DNAJC10: variants seen among roughly 807,000 people sequenced by gnomAD.
DNAJC10 encodes the protein DnaJ heat shock protein family (Hsp40) member C10.
DNAJC10 carries 101 observed loss-of-function variants against 115.0 expected under a neutral mutation model. That is an observed-to-expected ratio of 0.88 (90% CI 0.75 to 1.04). The LOEUF is 1.04. Among genes scored for constraint, DNAJC10 ranks in the 50% least tolerant of loss-of-function variants. The pLI is 0.00. For synonymous variants in DNAJC10, 307 were observed against 301.5 expected (o/e 1.02, Z -0.19); for missense variants, 981 against 928.8 (o/e 1.06, Z -0.73).
At chr2:182,719,827 G>C (rs1553486337) in intron 3 of DNAJC10, among the ~76,000 whole-genome samples, 180 bp from the exon 4 acceptor site, 1 of 81,356 alleles carries the variant, frequency 1.2e-5, no homozygotes, top group African/African-American at 4.8e-5. Context: ...GAAGATTATA[G>C]TTTCTTAAAA....
At chr2:182,730,065 T>G (rs1207891516) in intron 8 of DNAJC10, 124 bp downstream of exon 8, 1 of 603,834 alleles carries the variant, frequency 1.7e-6, no homozygotes, top group African/African-American at 1.9e-5. Flanking sequence ...TCCATGTTTC[T>G]TAGAAGGGAA....
At chr2:182,776,942 ATTC>A (rs1484545160) in intron 23 of DNAJC10, among the ~76,000 whole-genome samples, 176 bp from the exon 24 acceptor site, 5 of 152,180 alleles carry the variant, frequency 3.3e-5, no homozygotes, top group African/African-American at 1.2e-4. Context: ...GAACTAGGAT[ATTC>A]TTTTCTTTTT....
At chr2:182,748,482 T>C (rs1318728586) in intron 14 of DNAJC10, among the ~76,000 whole-genome samples, 7 of 152,246 alleles carry the variant, frequency 4.6e-5, no homozygotes, top group Non-Finnish European at 8.8e-5. Context: ...TCGAGGAACT[T>C]ATCCATTTCT....
chr2:182,787,280 G>A lies in DNAJC10; in HGVS notation c.*10148G>A, dbSNP rs1694964874. 6.6e-6 allele frequency: 1 copy of A among 152,212 alleles called. No individual in the cohort carries two copies. The highest frequency in any genetic ancestry group is 2.1e-4 in the South Asian group (1 of 4,832). The allele number at this position is 152,212 out of a possible 1,614,324, so 9.4% of individuals were successfully genotyped here. A position where few individuals can be genotyped will look rare whatever the true frequency, so the allele number is the denominator to read the frequency against. ...ATACTGATTCAGACTCCAGCAAGGT[G>A]CACATCACCCGCTAGTCATTGTGGC... On this transcript the variant is annotated 3_prime_UTR_variant, in exon 24 of 24. Coordinates refer to ENST00000264065, the MANE Select transcript of DNAJC10 (RefSeq NM_018981.4).
chr2:182,753,527 C>G (rs1239387104), intron 16 of DNAJC10, among the ~76,000 whole-genome samples: 5 of 142,388 alleles, frequency 3.5e-5, no homozygotes, highest in African/African-American at 7.8e-5. Context: ...ACCAAAGATA[C>G]AAAATTGATG....
intron 14 of DNAJC10, among the ~76,000 whole-genome samples, chr2:182,748,008 T>C (rs1292297037): frequency 9.5e-4 from 141 of 148,224 alleles, no homozygotes; most frequent in African/African-American, 3.3e-3. Context: ...TTGTCTTTGG[T>C]TCTGTTTATA....
chr2:182,774,311 T>A (rs1694646394), intron 22 of DNAJC10, among the ~76,000 whole-genome samples: 1 of 152,194 alleles, frequency 6.6e-6, no homozygotes, highest in Non-Finnish European at 1.5e-5. Flanking sequence ...GATCAGGGAC[T>A]CACTTGAAGA....
intron 3 of DNAJC10, among the ~76,000 whole-genome samples, chr2:182,719,250 CTTTTTTT>C (rs57284693): frequency 1.2e-5 from 1 of 83,686 alleles, no homozygotes; most frequent in Non-Finnish European, 2.3e-5. Context: ...GGATTGTTTT[CTTTTTTT>C]TTTTTTTTTT....
chr2:182,769,576 G>A (rs1294602763), intron 22 of DNAJC10, among the ~76,000 whole-genome samples: 1 of 152,184 alleles, frequency 6.6e-6, no homozygotes, highest in Non-Finnish European at 1.5e-5. Context: ...TTGATGACCA[G>A]TGATGATGAG....
chr2:182,774,307 G>A (rs924831465), intron 22 of DNAJC10, among the ~76,000 whole-genome samples: 2 of 152,184 alleles, frequency 1.3e-5, no homozygotes, highest in Non-Finnish European at 2.9e-5. Flanking sequence ...TGGGGATCAG[G>A]GACTCACTTG....
At chr2:182,737,690 TAGTC>T (rs1693618448) in intron 11 of DNAJC10, among the ~76,000 whole-genome samples, 1 of 152,188 alleles carries the variant, frequency 6.6e-6, no homozygotes, top group Non-Finnish European at 1.5e-5. Flanking sequence ...CTTAGGATAT[TAGTC>T]AGTGTCTCAA....
chr2:182,722,542 T>G lies in DNAJC10; in HGVS notation c.418+467T>G, dbSNP rs901407503. On this transcript the variant is annotated intron_variant, in intron 5 of 23. Transcript: ENST00000264065. Reference sequence around the variant, plus strand: ...TAGATTCTTATACTTTCATCCTTTGTACAGTAATAATAGGTTTATTTTTTC... The same window carrying G: ...TAGATTCTTATACTTTCATCCTTTGGACAGTAATAATAGGTTTATTTTTTC... 6.7e-5 allele frequency among the ~76,000 whole-genome samples: 6 copies of G among 89,972 alleles called. No individual in the cohort carries two copies. The East Asian group carries it at 1.5e-3, about 23-fold the overall frequency. 59.0% of individuals were successfully genotyped at this position (89,972 alleles called of 152,430 possible).
chr2:182,739,391 G>A (rs1014970332), intron 11 of DNAJC10, among the ~76,000 whole-genome samples: 2 of 151,246 alleles, frequency 1.3e-5, no homozygotes, highest in African/African-American at 2.4e-5. Context: ...ATGATTGTTC[G>A]TACAAGTTTT....
In DNAJC10 at chr2:182,718,348, T is replaced by G. The variant is rs1693054510; in HGVS notation, c.204+58T>G. 8.9e-6 allele frequency: 12 copies of G among 1,341,280 alleles called. No homozygotes were observed. The Admixed American group carries it at 2.7e-4, about 30-fold the overall frequency. The allele number at this position is 1,341,280 out of a possible 1,614,324, so 83.1% of individuals were successfully genotyped here. A position where few individuals can be genotyped will look rare whatever the true frequency, so the allele number is the denominator to read the frequency against. ...TTATATTTTTGGTACATTTTGATAT[T>G]TATTTAAATTGCTTTAAATGATCAA... On this transcript the variant is annotated intron_variant, in intron 3 of 23. Coordinates refer to ENST00000264065, the MANE Select transcript of DNAJC10 (RefSeq NM_018981.4).
chr2:182,758,526 C>T lies in DNAJC10; in HGVS notation c.1944-311C>T, dbSNP rs539118869. Among the ~76,000 whole-genome samples, 14 of 152,268 alleles carry T rather than the reference C, an allele frequency of 9.2e-5. No homozygotes were observed. In the South Asian group the frequency reaches 2.9e-3, roughly 32 times the overall value. On this transcript the variant is annotated intron_variant, in intron 19 of 23. Coordinates refer to ENST00000264065, the MANE Select transcript of DNAJC10 (RefSeq NM_018981.4). ...GTAGGAATTTGACAGACAGTAATAA[C>T]TTGAATAAAGATTCAGAAACTAAAA...
chr2:182,731,244 T>C, intron 9 of DNAJC10, 137 bp downstream of exon 9: 1 of 582,648 alleles, frequency 1.7e-6, no homozygotes, highest in Non-Finnish European at 3.0e-6. Context: ...TTTTTTTACT[T>C]AATGAATATT....
Position 182,777,655 on chromosome 2 carries a change from C to A in DNAJC10, c.*523C>A, listed in dbSNP as rs1421683437. The A allele has an allele frequency of 1.3e-5, 2 of 152,120 alleles. No individual in the cohort carries two copies. The highest frequency in any genetic ancestry group is 6.6e-5 in the Admixed American group (1 of 15,254). 9.4% of individuals were successfully genotyped at this position (152,120 alleles called of 1,614,324 possible). A position where few individuals can be genotyped will look rare whatever the true frequency, so the allele number is the denominator to read the frequency against. ...GTAACTTAGTTTTTGGTCACTTGTT[C>A]TCCTAAAAATGCTATCCCTAACCAT... On this transcript the variant is annotated 3_prime_UTR_variant, in exon 24 of 24. Transcript: ENST00000264065.
rs1211303875 is a variant in DNAJC10 at position 182,756,405 on chromosome 2, A to G, written c.1745A>G (p.Asp582Gly). The change falls in exon 18 of 24, where the codon GAT (aspartate) becomes GGT (glycine). Residue 582 changes from aspartate to glycine, a missense_variant. By Grantham distance (94) the Asp-to-Gly change is moderately conservative. Coordinates refer to ENST00000264065, the MANE Select transcript of DNAJC10 (RefSeq NM_018981.4). Reference sequence around the variant, plus strand: ...AAACACAACGAAGTCTGGATGGTTGATTTCTATTCTCCGTGGTGTCATCCT... The same window carrying G: ...AAACACAACGAAGTCTGGATGGTTGGTTTCTATTCTCCGTGGTGTCATCCT... The part of the protein sequence containing the change: ...QRKHNEVWMV[D>G]FYSPWCHPCQ... 4 of 1,613,954 alleles carry G rather than the reference A, an allele frequency of 2.5e-6. No homozygotes were observed. Among genetic ancestry groups the G allele is most frequent in the African/African-American group, 2.7e-5 (2 of 74,934 alleles).
chr2:182,749,848 A>T (rs1693970558), intron 14 of DNAJC10, among the ~76,000 whole-genome samples: 1 of 152,200 alleles, frequency 6.6e-6, no homozygotes, highest in Non-Finnish European at 1.5e-5. Flanking sequence ...GGGTAGTTCC[A>T]GACACGGATT....
Sources: allele counts gnomAD v4.1 joint callset (sites outside exome capture counted in the v4.1 genomes callset), GRCh38; gene constraint gnomAD v4.1.1; transcripts MANE v1.5; gene names NCBI Gene and HGNC (gene_info 2026-07-23, HGNC 2026-07-21).